SHPK: variants seen among roughly 807,000 people sequenced by gnomAD.
SHPK encodes the protein carbohydrate kinase-like protein.
A neutral mutation model predicts 46.3 loss-of-function variants in SHPK; 51 were observed. The ratio of observed to expected loss-of-function variants is 1.10; its 90% CI spans 0.88 to 1.39. The LOEUF (loss-of-function observed/expected upper bound fraction) is 1.39, where lower values mean the gene tolerates loss of function less well. Ranked by LOEUF, SHPK falls within the 40% of genes most tolerant of loss-of-function variation. The pLI, the probability that SHPK is intolerant of heterozygous loss-of-function variation, is 0.00. For missense variants in SHPK, 668 were observed against 641.3 expected, an observed-to-expected ratio of 1.04 and a Z score of -0.45; for synonymous variants, 290 against 273.9, an observed-to-expected ratio of 1.06 and a Z score of -0.58.
In SHPK at chr17:3,615,319, G is replaced by A. The variant is rs374663056; in HGVS notation, c.1024+18C>T. On this transcript the variant is annotated intron_variant, in intron 6 of 6. Transcript: ENST00000225519. ...AAGGACAGGCAGAGAACACAGCGCT[G>A]TGTGGGCCACACCTTACCTAGATCT... 111 of 1,612,852 alleles carry A rather than the reference G, an allele frequency of 6.9e-5. No homozygotes were observed. Among genetic ancestry groups the A allele is most frequent in the Admixed American group, 6.7e-4 (40 of 60,022 alleles).
chr17:3,622,373 C>A (rs2075408275), intron 4 of SHPK, among the ~76,000 whole-genome samples: 1 of 152,146 alleles, frequency 6.6e-6, no homozygotes, highest in African/African-American at 2.4e-5. Flanking sequence ...GAAGGGAGCT[C>A]AAAAACTCTG....
At chr17:3,632,941 T>C (rs1035217411) in intron 1 of SHPK, among the ~76,000 whole-genome samples, 1 of 151,198 alleles carries the variant, frequency 6.6e-6, no homozygotes, top group Non-Finnish European at 1.5e-5. Flanking sequence ...AAGTATGAAC[T>C]TGAGGAAAGA....
chr17:3,613,806 C>T (rs1268620683), intron 6 of SHPK, among the ~76,000 whole-genome samples: 7 of 152,128 alleles, frequency 4.6e-5, no homozygotes, highest in Admixed American at 1.3e-4. Flanking sequence ...GCAATCCTCC[C>T]GCCTCGGCCT....
chr17:3,634,468 A>G (rs149793229), intron 1 of SHPK, among the ~76,000 whole-genome samples: 3,396 of 151,648 alleles, frequency 0.022, 130 homozygotes, highest in African/African-American at 0.076. Context: ...GCTACTCGGG[A>G]AACTGAGGCA....
chr17:3,610,831 G>C lies in SHPK; in HGVS notation c.1166C>G (p.Ser389Cys). Residue 389 changes from serine (S) to cysteine (C), a missense_variant, in exon 7 of 7, where the codon TCC becomes TGC. Coordinates refer to ENST00000225519, the MANE Select transcript of SHPK (RefSeq NM_013276.4). Reference sequence around the variant, plus strand: ...GTGCCCCAGGGAGAGGTCGGAGGAGGAGATTCTGGTCACTGAGGCCAGCTG... The same window carrying C: ...GTGCCCCAGGGAGAGGTCGGAGGAGCAGATTCTGGTCACTGAGGCCAGCTG... ...PDQLASVTRISSSDLSLGHVT... is the reference protein window; with the variant it reads ...PDQLASVTRICSSDLSLGHVT... 6.2e-7 allele frequency: 1 copy of C among 1,614,184 alleles called. No homozygotes were observed. Among genetic ancestry groups the C allele is most frequent in the Non-Finnish European group, 8.5e-7 (1 of 1,180,036 alleles).
At chr17:3,625,585 C>G (rs2075429587) in intron 2 of SHPK, among the ~76,000 whole-genome samples, 1 of 152,112 alleles carries the variant, frequency 6.6e-6, no homozygotes, top group Non-Finnish European at 1.5e-5. Flanking sequence ...CCCCCTGGAC[C>G]AGTCTGTCCA....
intron 1 of SHPK, among the ~76,000 whole-genome samples, chr17:3,635,437 G>A (rs2075512839): frequency 6.6e-6 from 1 of 152,022 alleles, no homozygotes; most frequent in Non-Finnish European, 1.5e-5. Flanking sequence ...GGGTTTCACC[G>A]TGTTAGCCAG....
intron 2 of SHPK, among the ~76,000 whole-genome samples, chr17:3,626,033 A>G (rs1190013761): frequency 2.7e-5 from 4 of 150,580 alleles, no homozygotes; most frequent in Non-Finnish European, 6.0e-5. Context: ...AGCCTGGGCA[A>G]CAGAGTGAGG....
chr17:3,633,838 G>GGGGAAAAGATT (rs2075488842), intron 1 of SHPK, among the ~76,000 whole-genome samples: 1 of 152,136 alleles, frequency 6.6e-6, no homozygotes, highest in Non-Finnish European at 1.5e-5. Flanking sequence ...GGGGAAAGGT[G>GGGGAAAAGATT]GGGAAAAGAT....
rs139448317 is a variant in SHPK at position 3,632,798 on chromosome 17, AATAAAT to A, written c.169-2458_169-2453del. The stretch of plus-strand genomic sequence containing the variant: ...AGGAAACTGATGCCCAGAGAGGAAA[AATAAAT>A]ATAAACTGTGAAAGGGTCACAGAAC... On this transcript the variant is annotated intron_variant, in intron 1 of 6. Transcript: ENST00000225519. Among the ~76,000 whole-genome samples, 754 of 152,180 alleles carry A rather than the reference AATAAAT, an allele frequency of 5.0e-3. 7 individuals are homozygous for A. Among genetic ancestry groups the A allele is most frequent in the African/African-American group, 0.017 (685 of 41,506 alleles).
At chr17:3,628,782 G>A (rs533378809) in intron 2 of SHPK, among the ~76,000 whole-genome samples, 1 of 152,170 alleles carries the variant, frequency 6.6e-6, no homozygotes, top group South Asian at 2.1e-4. Flanking sequence ...CCAAGTAGCT[G>A]GGACTATAAA....
chr17:3,611,229 T>G (rs2075337937), intron 6 of SHPK, among the ~76,000 whole-genome samples: 1 of 152,048 alleles, frequency 6.6e-6, no homozygotes, highest in African/African-American at 2.4e-5. Context: ...GCCCTACCCC[T>G]AACACAGGCT....
rs145443662 is a variant in SHPK at position 3,612,772 on chromosome 17, G to T, written c.1025-1800C>A. On this transcript the variant is annotated intron_variant, in intron 6 of 6. Coordinates refer to ENST00000225519, the MANE Select transcript of SHPK (RefSeq NM_013276.4). ...AGGGATCTTTTTTTTTTTTTTTTGA[G>T]ACGGAGTCTTGCTCTGTCACACAGG... Among the ~76,000 whole-genome samples, 755 of 142,186 alleles carry T rather than the reference G, an allele frequency of 5.3e-3. 8 individuals are homozygous for T. Among genetic ancestry groups the T allele is most frequent in the African/African-American group, 0.019 (721 of 37,974 alleles). 93.3% of individuals were successfully genotyped at this position (142,186 alleles called of 152,430 possible).
intron 6 of SHPK, among the ~76,000 whole-genome samples, chr17:3,613,542 T>G (rs2075353780): frequency 1.3e-5 from 2 of 152,098 alleles, no homozygotes; most frequent in Non-Finnish European, 2.9e-5. Flanking sequence ...CTAACTTTTG[T>G]ATTTTTAGTA....
chr17:3,629,370 C>A (rs780028167), intron 2 of SHPK, among the ~76,000 whole-genome samples: 8 of 152,112 alleles, frequency 5.3e-5, no homozygotes, highest in Admixed American at 1.3e-4. Context: ...ACAGGTTACC[C>A]ACCTCCGCAC....
rs16953311 is a variant in SHPK at position 3,624,369 on chromosome 17, T to C, written c.311-138A>G. On this transcript the variant is annotated intron_variant, in intron 2 of 6. Transcript: ENST00000225519. ...TAAAGCCTGGCACACCTATGGGTCC[T>C]GATAGCACTGGCTTTAGTACTTGGC... 0.031 allele frequency: 23,688 copies of C among 765,054 alleles called. 4,096 individuals carry two copies. In the African/African-American group the frequency reaches 0.37, roughly 12 times the overall value. 47.4% of individuals were successfully genotyped at this position (765,054 alleles called of 1,614,324 possible).
chr17:3,617,015 G>T (rs902005404), intron 5 of SHPK, among the ~76,000 whole-genome samples: 1 of 151,830 alleles, frequency 6.6e-6, no homozygotes, highest in Non-Finnish European at 1.5e-5. Flanking sequence ...GGGATTACAG[G>T]TGCCCGCCAC....
chr17:3,615,214 C>T, intron 6 of SHPK, 123 bp downstream of exon 6: 2 of 866,310 alleles, frequency 2.3e-6, no homozygotes, highest in Non-Finnish European at 3.7e-6. Flanking sequence ...ATGCCAGGAC[C>T]TGGCAGGGTC....
intron 3 of SHPK, among the ~76,000 whole-genome samples, 197 bp downstream of exon 3, chr17:3,623,851 T>C (rs1437833042): frequency 6.6e-6 from 1 of 152,132 alleles, no homozygotes; most frequent in Non-Finnish European, 1.5e-5. Context: ...GGGTGGGAAC[T>C]GGATAACCAA....
Sources: gnomAD v4.1 joint callset for allele counts (sites outside exome capture counted in the v4.1 genomes callset) on GRCh38, gnomAD v4.1.1 for gene constraint, MANE v1.5 for transcripts, NCBI Gene and HGNC (gene_info 2026-07-23, HGNC 2026-07-21) for gene names.